Variants in RGCC observed in about 807,000 individuals in gnomAD.
The protein encoded by RGCC is regulator of cell cycle.
A neutral mutation model predicts 15.4 loss-of-function variants in RGCC; 15 were observed. The observed-to-expected ratio is 0.97, with a 90% CI of 0.65 to 1.50. The LOEUF (loss-of-function observed/expected upper bound fraction) is 1.50, where lower values mean the gene tolerates loss of function less well. Ranked by LOEUF, RGCC falls within the 40% of genes most tolerant of loss-of-function variation. RGCC has a pLI of 0.00. For synonymous variants in RGCC, 81 were observed against 78.0 expected, an observed-to-expected ratio of 1.04 and a Z score of -0.20; for missense variants, 176 against 189.7, an observed-to-expected ratio of 0.93 and a Z score of 0.42.
rs1593573956 is a variant in RGCC at position 41,457,594 on chromosome 13, G to T, written c.-114G>T. 1 of 1,434,182 alleles carries T rather than the reference G, an allele frequency of 7.0e-7. No homozygotes were observed. The highest frequency in any genetic ancestry group is 9.1e-7 in the Non-Finnish European group (1 of 1,097,702). The allele number at this position is 1,434,182 out of a possible 1,614,324, so 88.8% of individuals were successfully genotyped here. A position where few individuals can be genotyped will look rare whatever the true frequency, so the allele number is the denominator to read the frequency against. ...CTGGGAGCGGCGCGGCTGGAGCGCA[G>T]CGCCGAAGGGACTGGCAGGGCTGAA... On this transcript the variant is annotated 5_prime_UTR_variant, in exon 1 of 5. Transcript: ENST00000379359. This position sits in a 1 kb window ranked among gnomAD's most constrained non-coding sequence, Gnocchi z 4.9.
At chr13:41,468,754 C>T (rs1038675232) in intron 3 of RGCC, 22 bp from the exon 4 acceptor site, 1 of 1,580,950 alleles carries the variant, frequency 6.3e-7, no homozygotes. Flanking sequence ...CTCTCTCTCT[C>T]TCTCCCTCTC....
chr13:41,458,214 C>T lies in RGCC; in HGVS notation c.50-71C>T. ...TTATCTTCGGGAACCGTGGCGGCCCCTCCTGGCCCTGGGAGGTGGTCCCGC... is the reference window on the plus strand; with the variant it reads ...TTATCTTCGGGAACCGTGGCGGCCCTTCCTGGCCCTGGGAGGTGGTCCCGC... On this transcript the variant is annotated intron_variant, in intron 1 of 4. Transcript: ENST00000379359. The surrounding 1 kb of genome is among the most constrained non-coding windows in gnomAD (Gnocchi z 4.4). The T allele has an allele frequency of 7.6e-7, 1 of 1,322,684 alleles. No individual in the cohort carries two copies. Among genetic ancestry groups the T allele is most frequent in the Non-Finnish European group, 1.0e-6 (1 of 978,250 alleles). 81.9% of individuals were successfully genotyped at this position (1,322,684 alleles called of 1,614,324 possible).
chr13:41,466,892 C>T lies in RGCC; in HGVS notation c.305C>T (p.Thr102Ile), dbSNP rs2043852128. ...AAACTGAATTCTCCAACAGACTCTA[C>T]CCCAGCTCTTCTCTCTGCCACTGTC... ...DEKLNSPTDSTPALLSATVTP... is the reference protein window; with the variant it reads ...DEKLNSPTDSIPALLSATVTP... The change falls in exon 3 of 5, where the codon ACC becomes ATC. Residue 102 changes from threonine to isoleucine, a missense_variant. Physicochemically the swap from Thr to Ile is moderately conservative, Grantham distance 89. Transcript: ENST00000379359. 1 of 1,613,716 alleles carries T rather than the reference C, an allele frequency of 6.2e-7. No individual in the cohort carries two copies. The highest frequency in any genetic ancestry group is 8.5e-7 in the Non-Finnish European group (1 of 1,179,624).
chr13:41,458,411 G>T lies in RGCC; in HGVS notation c.176G>T (p.Arg59Leu), dbSNP rs1213963666. Residue 59 changes from arginine (R) to leucine (L), a missense_variant, in exon 2 of 5, where the codon CGC (arginine) becomes CTC (leucine). By Grantham distance (102) the Arg-to-Leu change is moderately radical. Coordinates refer to ENST00000379359, the MANE Select transcript of RGCC (RefSeq NM_014059.3). The surrounding 1 kb of genome is among the most constrained non-coding windows in gnomAD (Gnocchi z 4.4). ...TTCCACTACGAGGAGCACCTGGAGC[G>T]CATGAAGCGGCGCAGCAGCGCCAGT... ...RHFHYEEHLERMKRRSSASVS... is the reference protein window; with the variant it reads ...RHFHYEEHLELMKRRSSASVS... 1.2e-6 allele frequency: 2 copies of T among 1,600,808 alleles called. No individual in the cohort carries two copies. The highest frequency in any genetic ancestry group is 8.5e-7 in the Non-Finnish European group (1 of 1,178,594).
intron 2 of RGCC, among the ~76,000 whole-genome samples, chr13:41,459,867 A>G (rs2043811919): frequency 6.6e-6 from 1 of 152,234 alleles, no homozygotes; most frequent in Non-Finnish European, 1.5e-5. Flanking sequence ...AAGCTAGGAT[A>G]GTGTGTCGCT....
At chr13:41,463,714 G>C (rs1204694284) in intron 2 of RGCC, among the ~76,000 whole-genome samples, 1 of 152,128 alleles carries the variant, frequency 6.6e-6, no homozygotes, top group Non-Finnish European at 1.5e-5. Context: ...TGAACCTAAA[G>C]GATCAGAGGA....
intron 2 of RGCC, among the ~76,000 whole-genome samples, chr13:41,466,234 T>C (rs1384355004): frequency 6.8e-6 from 1 of 147,086 alleles, no homozygotes. Flanking sequence ...CACACACATA[T>C]TCTCACACAC....
Position 41,457,648 on chromosome 13 carries a change from C to A in RGCC, c.-60C>A. ...TGCGGGACAGCAAGCCCCCGAATAG[C>A]CCCGGCTGCCACCTCGCAGGACCCA... On this transcript the variant is annotated 5_prime_UTR_variant, in exon 1 of 5. Coordinates refer to ENST00000379359, the MANE Select transcript of RGCC (RefSeq NM_014059.3). This position sits in a 1 kb window ranked among gnomAD's most constrained non-coding sequence, Gnocchi z 4.9. The A allele has an allele frequency of 6.7e-7, 1 of 1,502,262 alleles. No individual in the cohort carries two copies. The highest frequency in any genetic ancestry group is 2.9e-5 in the East Asian group (1 of 34,302). The allele number at this position is 1,502,262 out of a possible 1,614,324, so 93.1% of individuals were successfully genotyped here.
chr13:41,467,336 C>A (rs936782574), intron 3 of RGCC, among the ~76,000 whole-genome samples: 4 of 152,204 alleles, frequency 2.6e-5, no homozygotes, highest in African/African-American at 9.7e-5. Flanking sequence ...ATTATTTAAC[C>A]AATGCTTTCA....
intron 3 of RGCC, among the ~76,000 whole-genome samples, chr13:41,467,638 A>G (rs1220234122): frequency 6.6e-6 from 1 of 152,276 alleles, no homozygotes; most frequent in African/African-American, 2.4e-5. Context: ...AAAATGGAAC[A>G]TAGTTAAAAA....
chr13:41,470,140 CAGAT>C (rs10563423), intron 4 of RGCC, among the ~76,000 whole-genome samples: 10,148 of 152,224 alleles, frequency 0.067, 374 homozygotes, highest in East Asian at 0.086. Context: ...ACCTAAATAT[CAGAT>C]AGAAAGTCCT....
chr13:41,466,207 ACT>A (rs937265415), intron 2 of RGCC, among the ~76,000 whole-genome samples: 88 of 146,484 alleles, frequency 6.0e-4, no homozygotes, highest in African/African-American at 1.8e-3. Flanking sequence ...ACACTCATAC[ACT>A]CACACACTTT....
At position 41,457,642 on chromosome 13, in the gene RGCC, G is replaced by C. The variant is rs981832288; in HGVS notation, c.-66G>C. ...GAAGTGTGCGGGACAGCAAGCCCCCGAATAGCCCCGGCTGCCACCTCGCAG... is the reference window on the plus strand; with the variant it reads ...GAAGTGTGCGGGACAGCAAGCCCCCCAATAGCCCCGGCTGCCACCTCGCAG... On this transcript the variant is annotated 5_prime_UTR_variant, in exon 1 of 5. Coordinates refer to ENST00000379359, the MANE Select transcript of RGCC (RefSeq NM_014059.3). This position sits in a 1 kb window ranked among gnomAD's most constrained non-coding sequence, Gnocchi z 4.9. 4.1e-5 allele frequency: 61 copies of C among 1,499,950 alleles called. No homozygotes were observed. The Admixed American group carries it at 1.3e-3, about 33-fold the overall frequency. 92.9% of individuals were successfully genotyped at this position (1,499,950 alleles called of 1,614,324 possible). A position where few individuals can be genotyped will look rare whatever the true frequency, so the allele number is the denominator to read the frequency against.
rs891195897 is a variant in RGCC, at chr13:41,469,313, G to T, written c.406+475G>T. On this transcript the variant is annotated intron_variant, in intron 4 of 4. Transcript: ENST00000379359. The stretch of plus-strand genomic sequence containing the variant: ...ATAATAATAAGAAGAAGAAGAAGAA[G>T]AAGAAGAAGAAGAAGAAGAAACAGG... Among the ~76,000 whole-genome samples, 425 of 148,494 alleles carry T rather than the reference G, an allele frequency of 2.9e-3. 2 individuals are homozygous for T. The highest frequency in any genetic ancestry group is 3.3e-3 in the Non-Finnish European group (220 of 66,078).
Position 41,458,776 on chromosome 13 carries a change from C to T in RGCC, c.235+306C>T, listed in dbSNP as rs1297063127. On this transcript the variant is annotated intron_variant, in intron 2 of 4. Coordinates refer to ENST00000379359, the MANE Select transcript of RGCC (RefSeq NM_014059.3). This position sits in a 1 kb window ranked among gnomAD's most constrained non-coding sequence, Gnocchi z 4.4. ...GCCTTTCCGCAGTTTCCCTCCTCTTCTCCTTTCCGTGCCTCTCCCCTCTCA... is the reference window on the plus strand; with the variant it reads ...GCCTTTCCGCAGTTTCCCTCCTCTTTTCCTTTCCGTGCCTCTCCCCTCTCA... Among the ~76,000 whole-genome samples the T allele has an allele frequency of 6.6e-6, 1 of 152,176 alleles. No homozygotes were observed. The highest frequency in any genetic ancestry group is 1.9e-4 in the East Asian group (1 of 5,186).
At chr13:41,469,630 T>C (rs1186237030) in intron 4 of RGCC, among the ~76,000 whole-genome samples, 1 of 152,126 alleles carries the variant, frequency 6.6e-6, no homozygotes, top group Non-Finnish European at 1.5e-5. Context: ...AACTTTAAGA[T>C]GTGGGTGCCA....
chr13:41,459,967 A>G (rs1276187897), intron 2 of RGCC, among the ~76,000 whole-genome samples: 1 of 152,216 alleles, frequency 6.6e-6, no homozygotes, highest in Non-Finnish European at 1.5e-5. Context: ...GGCTGATTGC[A>G]ACTTCCACTG....
Position 41,458,847 on chromosome 13 carries a change from G to A in RGCC, c.235+377G>A, listed in dbSNP as rs974998671. Reference sequence around the variant, plus strand: ...GAACAAGTGCCAGTGGAATGAGGGGGCACAGTGGGGACATGGGAGGGCGCA... The same window carrying A: ...GAACAAGTGCCAGTGGAATGAGGGGACACAGTGGGGACATGGGAGGGCGCA... On this transcript the variant is annotated intron_variant, in intron 2 of 4. Transcript: ENST00000379359. This position sits in a 1 kb window ranked among gnomAD's most constrained non-coding sequence, Gnocchi z 4.4. Among the ~76,000 whole-genome samples the A allele has an allele frequency of 1.3e-5, 2 of 152,186 alleles. No homozygotes were observed. Among genetic ancestry groups the A allele is most frequent in the Admixed American group, 1.3e-4 (2 of 15,288 alleles).
intron 3 of RGCC, 145 bp from the exon 4 acceptor site, chr13:41,468,631 A>G: frequency 1.5e-6 from 1 of 674,402 alleles, no homozygotes; most frequent in Non-Finnish European, 2.6e-6. Context: ...TCTGAAGATA[A>G]GGAGGTAGAT....
Sources: allele counts gnomAD v4.1 joint callset (sites outside exome capture counted in the v4.1 genomes callset), GRCh38; gene constraint gnomAD v4.1.1; non-coding constraint Gnocchi (gnomAD v3.1); transcripts MANE v1.5; gene names NCBI Gene and HGNC (gene_info 2026-07-23, HGNC 2026-07-21).